The following NRDC variants were observed in gnomAD, a reference collection of about 807,000 sequenced individuals.
NRDC encodes nardilysin.
Under a neutral mutation model 147.1 loss-of-function variants are expected in NRDC, and 54 were observed. The observed-to-expected ratio is 0.37, with a 90% confidence interval of 0.29 to 0.46. The LOEUF is 0.46. NRDC is among the 20% of genes least tolerant of loss of function. The pLI is 1.00. For synonymous variants in NRDC, 440 were observed against 482.1 expected (o/e 0.91, Z 1.14); for missense variants, 1,082 against 1,370.6 (o/e 0.79, Z 3.33).
intron 1 of NRDC, among the ~76,000 whole-genome samples, chr1:51,841,877 C>A (rs570144025): frequency 2.8e-4 from 42 of 152,250 alleles, no homozygotes; most frequent in African/African-American, 9.9e-4. Context: ...CAAAGAAAGA[C>A]AAGGAAGAGA....
intron 6 of NRDC, among the ~76,000 whole-genome samples, chr1:51,824,375 C>T (rs923937013): frequency 1.3e-5 from 2 of 152,128 alleles, no homozygotes; most frequent in African/African-American, 2.4e-5. Flanking sequence ...CCACCCGCCT[C>T]GGCCTCCCAA....
intron 13 of NRDC, chr1:51,814,317 T>C (rs904067234): frequency 7.0e-6 from 4 of 573,282 alleles, no homozygotes; most frequent in Non-Finnish European, 1.2e-5. Context: ...AAATTCTCAA[T>C]AGAAGCATCA....
chr1:51,875,700 G>A (rs1264004390), intron 1 of NRDC, among the ~76,000 whole-genome samples: 1 of 152,026 alleles, frequency 6.6e-6, no homozygotes, highest in African/African-American at 2.4e-5. Context: ...TGGGACTACA[G>A]GCACACACCA....
At chr1:51,805,379 G>GA (rs988270703) in intron 19 of NRDC, 131 bp downstream of exon 19, 5 of 660,702 alleles carry the variant, frequency 7.6e-6, no homozygotes, top group East Asian at 6.5e-5. Context: ...TTGGAGTACA[G>GA]AAAAAAATAC....
chr1:51,815,481 C>T (rs1045027717), intron 11 of NRDC, among the ~76,000 whole-genome samples: 3 of 151,532 alleles, frequency 2.0e-5, no homozygotes, highest in Admixed American at 2.0e-4. Context: ...TAGATTAATT[C>T]TGAAAAATTA....
In NRDC at chr1:51,818,099, G is replaced by A; in HGVS notation, c.1328C>T (p.Thr443Ile). 1.2e-6 allele frequency: 2 copies of A among 1,606,262 alleles called. No homozygotes were observed. Among genetic ancestry groups the A allele is most frequent in the Non-Finnish European group, 1.7e-6 (2 of 1,177,864 alleles). ...TTGCTGTTGAGGAGGAAGTGCCCATGTGATGGTCAGAGCATGAATTTTTCT... is the reference window on the plus strand; with the variant it reads ...TTGCTGTTGAGGAGGAAGTGCCCATATGATGGTCAGAGCATGAATTTTTCT... ...PIRKIHALTITWALPPQQQHY... is the reference protein window; with the variant it reads ...PIRKIHALTIIWALPPQQQHY... Residue 443 changes from threonine to isoleucine, a missense_variant, in exon 10 of 31, where the codon ACA becomes ATA. Thr to Ile is a moderately conservative substitution (Grantham distance 89, BLOSUM62 -1). Coordinates refer to ENST00000352171, the MANE Select transcript of NRDC (RefSeq NM_001101662.2).
intron 13 of NRDC, 57 bp from the exon 14 acceptor site, chr1:51,814,146 G>C: frequency 9.2e-7 from 1 of 1,083,858 alleles, no homozygotes. Context: ...CTACTTGAGG[G>C]AGAAGGGCGG....
intron 1 of NRDC, among the ~76,000 whole-genome samples, chr1:51,847,718 C>G (rs1681722257): frequency 6.6e-6 from 1 of 152,200 alleles, no homozygotes; most frequent in South Asian, 2.1e-4. Flanking sequence ...ACAAGCCCCT[C>G]GTGCAACCCC....
intron 13 of NRDC, 130 bp from the exon 14 acceptor site, chr1:51,814,219 A>G: frequency 1.6e-6 from 1 of 630,268 alleles, no homozygotes; most frequent in East Asian, 2.8e-5. Context: ...GGGTGACAAA[A>G]TAATCTGTAC....
At chr1:51,800,287 CTTT>C (rs1046303231) in intron 21 of NRDC, among the ~76,000 whole-genome samples, 3 of 152,108 alleles carry the variant, frequency 2.0e-5, no homozygotes, top group Non-Finnish European at 4.4e-5. Context: ...ACTAGCACTT[CTTT>C]AACATTCAGG....
intron 1 of NRDC, among the ~76,000 whole-genome samples, chr1:51,861,534 C>A (rs186129765): frequency 1.3e-5 from 2 of 150,826 alleles, no homozygotes; most frequent in African/African-American, 4.9e-5. Context: ...TTAGTAGAGA[C>A]GTGGTTTCAC....
chr1:51,857,928 A>C (rs1442519218), intron 1 of NRDC, among the ~76,000 whole-genome samples: 9 of 152,198 alleles, frequency 5.9e-5, no homozygotes, highest in Non-Finnish European at 2.9e-5. Context: ...GAAATATTGG[A>C]TCCTTAGTAT....
At chr1:51,800,026 G>A (rs564470902) in intron 21 of NRDC, among the ~76,000 whole-genome samples, 57 of 152,340 alleles carry the variant, frequency 3.7e-4, no homozygotes, top group Non-Finnish European at 6.3e-4. Flanking sequence ...GCAGGTTGGT[G>A]TGCGGTGGCA....
chr1:51,811,789 T>C (rs974726960), intron 15 of NRDC, among the ~76,000 whole-genome samples: 1 of 152,164 alleles, frequency 6.6e-6, no homozygotes, highest in African/African-American at 2.4e-5. Flanking sequence ...CTGAGTTTGA[T>C]TTTCTCCTTA....
chr1:51,821,954 C>T (rs1043349140), intron 7 of NRDC, among the ~76,000 whole-genome samples: 2 of 152,002 alleles, frequency 1.3e-5, no homozygotes, highest in Admixed American at 1.3e-4. Flanking sequence ...CTCCTTTTTG[C>T]CATCTCATCA....
chr1:51,833,362 G>A (rs1680803257), intron 4 of NRDC, among the ~76,000 whole-genome samples: 1 of 150,614 alleles, frequency 6.6e-6, no homozygotes, highest in Non-Finnish European at 1.5e-5. Context: ...AGGTTGCACT[G>A]AGCCATGCAT....
At position 51,814,678 on chromosome 1, in the gene NRDC, A is replaced by T; in HGVS notation, c.1560+15T>A. The T allele has an allele frequency of 6.2e-7, 1 of 1,605,486 alleles. No homozygotes were observed. The highest frequency in any genetic ancestry group is 1.1e-5 in the South Asian group (1 of 90,400). On this transcript the variant is annotated intron_variant, in intron 12 of 30. Coordinates refer to ENST00000352171, the MANE Select transcript of NRDC (RefSeq NM_001101662.2). ...CTACGTAAAAGGAAAAAACAACTGAATTTGAATTATTTACCTCATAAAAAT... is the reference window on the plus strand; with the variant it reads ...CTACGTAAAAGGAAAAAACAACTGATTTTGAATTATTTACCTCATAAAAAT...
chr1:51,846,076 G>A (rs1212868346), intron 1 of NRDC, among the ~76,000 whole-genome samples: 3 of 151,742 alleles, frequency 2.0e-5, no homozygotes, highest in South Asian at 2.1e-4. Context: ...TCTGGGGAAA[G>A]GAGAAAAACT....
At chr1:51,832,945 A>G (rs536103403) in intron 4 of NRDC, among the ~76,000 whole-genome samples, 1 of 152,312 alleles carries the variant, frequency 6.6e-6, no homozygotes, top group South Asian at 2.1e-4. Flanking sequence ...AATAACATAC[A>G]ATCACTAAAA....
Sources: gnomAD v4.1 joint callset for allele counts (sites outside exome capture counted in the v4.1 genomes callset) on GRCh38, gnomAD v4.1.1 for gene constraint, MANE v1.5 for transcripts, NCBI Gene and HGNC (gene_info 2026-07-23, HGNC 2026-07-21) for gene names.